The following FOXP1 variants were observed in gnomAD, a reference collection of about 807,000 sequenced individuals.
FOXP1 encodes the protein forkhead box protein P1.
A neutral mutation model predicts 98.2 loss-of-function variants in FOXP1; 15 were observed. The ratio of observed to expected loss-of-function variants is 0.15; its 90% CI spans 0.10 to 0.24. The LOEUF (loss-of-function observed/expected upper bound fraction) is 0.24. Ranked by LOEUF, FOXP1 falls within the 10% of genes least tolerant of loss-of-function variation. The probability of loss-of-function intolerance (pLI) is 1.00; values close to 1 mark genes in which losing one functional copy is unlikely to be tolerated. For synonymous variants in FOXP1, 371 were observed against 314.5 expected, an observed-to-expected ratio of 1.18 and a Z score of -1.90; for missense variants, 633 against 848.5, an observed-to-expected ratio of 0.75 and a Z score of 3.15.
chr3:71,022,395 A>G (rs548037506), intron 11 of FOXP1, among the ~76,000 whole-genome samples: 1 of 152,346 alleles, frequency 6.6e-6, no homozygotes, highest in South Asian at 2.1e-4. Flanking sequence ...TTAAGCTATA[A>G]AATAACTTTT....
At chr3:70,971,921 G>T in intron 18 of FOXP1, 3 of 1,052,190 alleles carry the variant, frequency 2.9e-6, no homozygotes, top group Non-Finnish European at 3.8e-6. Flanking sequence ...CACTGCTATT[G>T]GTGAAATGCA....
chr3:71,582,479 G>A (rs947399856), intron 1 of FOXP1: 1 of 985,430 alleles, frequency 1.0e-6, no homozygotes, highest in Non-Finnish European at 1.2e-6. Flanking sequence ...GGGAGCTCGG[G>A]AGGAAGGCTG....
At chr3:71,227,401 C>A (rs555894103) in intron 5 of FOXP1, among the ~76,000 whole-genome samples, 1 of 152,148 alleles carries the variant, frequency 6.6e-6, no homozygotes, top group Non-Finnish European at 1.5e-5. Flanking sequence ...AAACACTCTC[C>A]CGCCAAAGAA....
chr3:71,016,203 T>G (rs549851223), intron 11 of FOXP1, among the ~76,000 whole-genome samples: 3 of 147,388 alleles, frequency 2.0e-5, no homozygotes, highest in African/African-American at 8.0e-5. Flanking sequence ...ATGATTCGTG[T>G]TTTTTTTAAA....
intron 3 of FOXP1, among the ~76,000 whole-genome samples, chr3:71,416,808 C>A (rs531733124): frequency 6.6e-6 from 1 of 150,844 alleles, no homozygotes; most frequent in Non-Finnish European, 1.5e-5. Context: ...AAAAAGGGGG[C>A]GGGGGTGGTG....
intron 2 of FOXP1, among the ~76,000 whole-genome samples, chr3:71,496,958 G>GTGTGTGTGTGTGTGTGTGT (rs1560567239): frequency 2.9e-5 from 4 of 139,720 alleles, no homozygotes; most frequent in South Asian, 4.4e-4. Context: ...TGTGGTGTGT[G>GTGTGTGTGTGTGTGTGTGT]GAAGTGTGTG....
chr3:71,098,547 C>T (rs1318768174), intron 7 of FOXP1, among the ~76,000 whole-genome samples: 1 of 152,032 alleles, frequency 6.6e-6, no homozygotes, highest in African/African-American at 2.4e-5. Flanking sequence ...TCTAGGGGCT[C>T]GCGAACCTGA....
chr3:71,330,349 G>T (rs1188094287), intron 4 of FOXP1, among the ~76,000 whole-genome samples: 1 of 152,010 alleles, frequency 6.6e-6, no homozygotes, highest in East Asian at 1.9e-4. Context: ...ATAAAATATT[G>T]TAAGTCACTT....
At chr3:71,397,093 T>TACACAC (rs1251170139) in intron 3 of FOXP1, among the ~76,000 whole-genome samples, 3 of 134,334 alleles carry the variant, frequency 2.2e-5, no homozygotes, top group Admixed American at 7.7e-5. Flanking sequence ...TGTGTATATA[T>TACACAC]ATATATACAT....
chr3:71,461,348 G>T (rs1327888724), intron 3 of FOXP1, among the ~76,000 whole-genome samples: 1 of 152,090 alleles, frequency 6.6e-6, no homozygotes, highest in African/African-American at 2.4e-5. Context: ...ACAGATCGAC[G>T]AATTACCCAG....
intron 4 of FOXP1, among the ~76,000 whole-genome samples, chr3:71,306,631 C>CAAAAAAAA (rs66479255): frequency 7.0e-5 from 3 of 42,852 alleles, no homozygotes; most frequent in Non-Finnish European, 8.4e-5. Flanking sequence ...GAGAATAAGC[C>CAAAAAAAA]AAAAAAAAAA....
intron 5 of FOXP1, among the ~76,000 whole-genome samples, chr3:71,200,046 C>A (rs1311956122): frequency 7.7e-6 from 1 of 129,454 alleles, no homozygotes; most frequent in Non-Finnish European, 1.6e-5. Context: ...CGCACCACTG[C>A]ACTCCAGCCT....
chr3:71,446,789 G>A (rs1431632818), intron 3 of FOXP1, among the ~76,000 whole-genome samples: 1 of 152,232 alleles, frequency 6.6e-6, no homozygotes, highest in African/African-American at 2.4e-5. Context: ...TTTAAAAACT[G>A]GCACTTTCCA....
chr3:71,238,437 G>GT (rs1215074051), intron 5 of FOXP1, among the ~76,000 whole-genome samples: 21 of 148,238 alleles, frequency 1.4e-4, no homozygotes, highest in African/African-American at 5.6e-4. Flanking sequence ...GGGGTGTGGG[G>GT]GGGTGTGTGT....
chr3:71,392,450 A>C (rs1421827506), intron 3 of FOXP1, among the ~76,000 whole-genome samples: 5 of 152,246 alleles, frequency 3.3e-5, no homozygotes, highest in Non-Finnish European at 2.9e-5. Context: ...TTTGTTTAAA[A>C]AAAAGGAAGT....
chr3:71,254,814 T>G (rs924048723), intron 5 of FOXP1, among the ~76,000 whole-genome samples: 21 of 152,172 alleles, frequency 1.4e-4, no homozygotes, highest in Admixed American at 9.2e-4. Context: ...AAATCCACAT[T>G]CATATCTCTA....
intron 2 of FOXP1, among the ~76,000 whole-genome samples, chr3:71,525,976 C>A (rs1578012659): frequency 6.6e-6 from 1 of 151,914 alleles, no homozygotes; most frequent in African/African-American, 2.4e-5. Context: ...ACAAAATGAG[C>A]CAGGCATGGT....
chr3:71,219,382 G>C (rs1349062472), intron 5 of FOXP1, among the ~76,000 whole-genome samples: 2 of 152,234 alleles, frequency 1.3e-5, no homozygotes, highest in African/African-American at 2.4e-5. Context: ...AATGTGGCTA[G>C]AGTGAATATA....
rs114074561 is a variant in FOXP1, at chr3:71,227,286, G to A, written c.-11-28894C>T. Among the ~76,000 whole-genome samples the A allele has an allele frequency of 9.7e-3, 1,478 of 152,230 alleles. 20 individuals are homozygous for A. The highest frequency in any genetic ancestry group is 0.034 in the African/African-American group (1,403 of 41,534). ...GGAACACAAATAGCGTTTACGTGAAGACCACGACCACAGGGCATCAAAAAT... is the reference window on the plus strand; with the variant it reads ...GGAACACAAATAGCGTTTACGTGAAAACCACGACCACAGGGCATCAAAAAT... On this transcript the variant is annotated intron_variant, in intron 5 of 20. Transcript: ENST00000649528.
Sources: allele counts gnomAD v4.1 joint callset (sites outside exome capture counted in the v4.1 genomes callset), GRCh38; gene constraint gnomAD v4.1.1; transcripts MANE v1.5; gene names NCBI Gene and HGNC (gene_info 2026-07-23, HGNC 2026-07-21).